GASK1B: variants seen among roughly 807,000 people sequenced by gnomAD.
GASK1B encodes golgi associated kinase 1B.
GASK1B carries 34 observed loss-of-function variants against 42.8 expected under a neutral mutation model. That is an observed-to-expected ratio of 0.79 (90% confidence interval 0.60 to 1.06). The LOEUF (loss-of-function observed/expected upper bound fraction) is 1.06, where lower values mean the gene tolerates loss of function less well. Among genes scored for constraint, GASK1B ranks in the 50% least tolerant of loss-of-function variants. GASK1B has a pLI of 0.00. For synonymous variants in GASK1B, 262 were observed against 259.1 expected, an observed-to-expected ratio of 1.01 and a Z score of -0.11; for missense variants, 686 against 661.0, an observed-to-expected ratio of 1.04 and a Z score of -0.42.
chr4:158,170,471 A>T lies in GASK1B; in HGVS notation c.905T>A (p.Ile302Asn), dbSNP rs761677421. 7 of 1,614,248 alleles carry T rather than the reference A, an allele frequency of 4.3e-6. No individual in the cohort carries two copies. The highest frequency in any genetic ancestry group is 5.9e-6 in the Non-Finnish European group (7 of 1,180,048). The change falls in exon 2 of 5, where the codon ATC becomes AAC. Residue 302 changes from isoleucine to asparagine, a missense_variant. By Grantham distance (149) the Ile-to-Asn change is moderately radical. Transcript: ENST00000585682. ...LPSVSRKAEF[I>N]QDGRPCPIIL... ...GAAGCATGTGAATCTGTTACCTTGG[A>T]TGAACTCTGCTTTCCTGCTCACAGA...
In GASK1B at chr4:158,137,167, A is replaced by G. The variant is rs542426361; in HGVS notation, c.1126-6155T>C. ...TCTTTATGTGGGTTTAAATTAACTAACCATGGATAACGAATTCTCATATCT... is the reference window on the plus strand; with the variant it reads ...TCTTTATGTGGGTTTAAATTAACTAGCCATGGATAACGAATTCTCATATCT... On this transcript the variant is annotated intron_variant, in intron 3 of 4. Coordinates refer to ENST00000585682, the MANE Select transcript of GASK1B (RefSeq NM_001128424.2). 1.7e-3 allele frequency among the ~76,000 whole-genome samples: 253 copies of G among 152,312 alleles called. 1 individual carries two copies. The highest frequency in any genetic ancestry group is 5.2e-3 in the African/African-American group (214 of 41,548).
At chr4:158,133,649 A>T (rs981421755) in intron 3 of GASK1B, among the ~76,000 whole-genome samples, 9 of 152,366 alleles carry the variant, frequency 5.9e-5, no homozygotes, top group Admixed American at 5.9e-4. Flanking sequence ...GATTTAGGTC[A>T]TCTTTTTATT....
chr4:158,141,936 T>C (rs1284288112), intron 3 of GASK1B, among the ~76,000 whole-genome samples: 20 of 2,760 alleles, frequency 7.2e-3, no homozygotes, highest in Non-Finnish European at 0.024. Flanking sequence ...TTTTTTTTTT[T>C]TTTTTTTTTT....
chr4:158,142,317 T>A (rs1350881758), intron 3 of GASK1B, among the ~76,000 whole-genome samples: 1 of 152,122 alleles, frequency 6.6e-6, no homozygotes, highest in Non-Finnish European at 1.5e-5. Flanking sequence ...AAGAAAGACC[T>A]ATATAATCTC....
At chr4:158,128,800 G>C (rs1185149230) in intron 4 of GASK1B, among the ~76,000 whole-genome samples, 1 of 152,182 alleles carries the variant, frequency 6.6e-6, no homozygotes, top group Non-Finnish European at 1.5e-5. Context: ...ATGAAAGAAT[G>C]TTTATAAGAT....
intron 3 of GASK1B, among the ~76,000 whole-genome samples, chr4:158,151,669 C>T (rs1731563107): frequency 3.9e-5 from 1 of 25,570 alleles, no homozygotes; most frequent in Non-Finnish European, 1.4e-4. Context: ...CTATGAACAC[C>T]TTTACACGCA....
rs1164369290 is a variant in GASK1B, at chr4:158,127,379, C to A, written c.*28G>T. 6.3e-7 allele frequency: 1 copy of A among 1,594,098 alleles called. No homozygotes were observed. Among genetic ancestry groups the A allele is most frequent in the South Asian group, 1.1e-5 (1 of 89,114 alleles). On this transcript the variant is annotated 3_prime_UTR_variant, in exon 5 of 5. Transcript: ENST00000585682. ...CAAAACCAAAAATGCATAAATATAT[C>A]TAACACCCTAGCCAGAAGATTCTTT...
At chr4:158,149,275 G>C (rs1239740043) in intron 3 of GASK1B, among the ~76,000 whole-genome samples, 2 of 152,168 alleles carry the variant, frequency 1.3e-5, no homozygotes, top group Non-Finnish European at 2.9e-5. Flanking sequence ...TAATGAAATA[G>C]TTTTTAAAAA....
At chr4:158,137,416 G>A (rs1035113441) in intron 3 of GASK1B, among the ~76,000 whole-genome samples, 5 of 152,042 alleles carry the variant, frequency 3.3e-5, no homozygotes, top group Non-Finnish European at 2.9e-5. Context: ...AGTGAGAATC[G>A]TTATCATTAC....
At chr4:158,164,203 T>C (rs1437034676) in intron 2 of GASK1B, among the ~76,000 whole-genome samples, 1 of 152,214 alleles carries the variant, frequency 6.6e-6, no homozygotes, top group African/African-American at 2.4e-5. Context: ...GTGACTAGAA[T>C]AGTGGCTAGC....
At chr4:158,169,969 A>AAG (rs1553960526) in intron 2 of GASK1B, 8 of 438,416 alleles carry the variant, frequency 1.8e-5, no homozygotes, top group African/African-American at 1.4e-4. Context: ...TGAAAAAAAA[A>AAG]GGGGGGGTTA....
intron 3 of GASK1B, among the ~76,000 whole-genome samples, chr4:158,140,212 C>T (rs1490263739): frequency 6.6e-6 from 1 of 152,154 alleles, no homozygotes; most frequent in Non-Finnish European, 1.5e-5. Context: ...CCCTTATGGA[C>T]TCGCAGAAAG....
chr4:158,157,530 AAC>A (rs1731801847), intron 2 of GASK1B, among the ~76,000 whole-genome samples: 1 of 152,130 alleles, frequency 6.6e-6, no homozygotes, highest in African/African-American at 2.4e-5. Context: ...ACAAATAGAA[AAC>A]ACACACACAG....
chr4:158,166,304 C>G (rs559153082), intron 2 of GASK1B, among the ~76,000 whole-genome samples: 5 of 152,338 alleles, frequency 3.3e-5, no homozygotes, highest in Admixed American at 3.3e-4. Context: ...CAATCAAGAT[C>G]TTGTCCCAGA....
intron 2 of GASK1B, among the ~76,000 whole-genome samples, chr4:158,156,938 T>G (rs1731782060): frequency 6.6e-6 from 1 of 152,132 alleles, no homozygotes; most frequent in Non-Finnish European, 1.5e-5. Flanking sequence ...TATAACTTTA[T>G]GGCCTATTAG....
rs1253191698 is a variant in GASK1B at position 158,126,882 on chromosome 4, G to A, written c.*525C>T. 6.6e-6 allele frequency: 1 copy of A among 152,222 alleles called. No homozygotes were observed. The highest frequency in any genetic ancestry group is 1.5e-5 in the Non-Finnish European group (1 of 68,092). The allele number at this position is 152,222 out of a possible 1,614,324, so 9.4% of individuals were successfully genotyped here. On this transcript the variant is annotated 3_prime_UTR_variant, in exon 5 of 5. Transcript: ENST00000585682. ...AACCAGCATTTCTGTTTAAATGTAT[G>A]GTCAGCTCTGATGCTCTTGCAGGCT...
chr4:158,163,449 A>G (rs1345134741), intron 2 of GASK1B, among the ~76,000 whole-genome samples: 3 of 152,070 alleles, frequency 2.0e-5, no homozygotes, highest in Non-Finnish European at 2.9e-5. Flanking sequence ...GGCACCTGTA[A>G]TCCCAGTTAC....
chr4:158,144,015 A>G (rs1429937924), intron 3 of GASK1B, among the ~76,000 whole-genome samples: 1 of 152,150 alleles, frequency 6.6e-6, no homozygotes, highest in Non-Finnish European at 1.5e-5. Flanking sequence ...CTTTTTTGTC[A>G]TGTTTTACCA....
At chr4:158,128,079 T>G (rs1166917030) in intron 4 of GASK1B, among the ~76,000 whole-genome samples, 1 of 152,176 alleles carries the variant, frequency 6.6e-6, no homozygotes. Context: ...GAATAGAAGT[T>G]ACACAACTGA....
Sources: allele counts gnomAD v4.1 joint callset (sites outside exome capture counted in the v4.1 genomes callset), GRCh38; gene constraint gnomAD v4.1.1; transcripts MANE v1.5; gene names NCBI Gene and HGNC (gene_info 2026-07-23, HGNC 2026-07-21).